FRMD5: variants seen among roughly 807,000 people sequenced by gnomAD.
FRMD5 encodes FERM domain-containing protein 5.
FRMD5 carries 20 observed loss-of-function variants against 69.0 expected under a neutral mutation model. That is an observed-to-expected ratio of 0.29 (90% CI 0.20 to 0.42). FRMD5 has a LOEUF of 0.42. Among genes scored for constraint, FRMD5 ranks in the 10% least tolerant of loss-of-function variants. The pLI is 1.00. For synonymous variants in FRMD5, 271 were observed against 260.1 expected, an observed-to-expected ratio of 1.04 and a Z score of -0.40; for missense variants, 595 against 708.6, an observed-to-expected ratio of 0.84 and a Z score of 1.82.
chr15:44,079,371 T>C (rs1204077052), intron 1 of FRMD5, among the ~76,000 whole-genome samples: 4 of 152,074 alleles, frequency 2.6e-5, no homozygotes, highest in African/African-American at 9.7e-5. Flanking sequence ...TAGTGGCTCC[T>C]CAAAAAAGTA....
intron 1 of FRMD5, among the ~76,000 whole-genome samples, chr15:43,963,383 C>T (rs1308589454): frequency 6.6e-6 from 1 of 152,154 alleles, no homozygotes; most frequent in African/African-American, 2.4e-5. Flanking sequence ...GTTAGAATGG[C>T]TATCATTAAA....
chr15:43,875,639 A>G (rs1400875307), intron 13 of FRMD5, among the ~76,000 whole-genome samples: 2 of 150,970 alleles, frequency 1.3e-5, no homozygotes, highest in African/African-American at 4.9e-5. Context: ...CACCACACCC[A>G]GCTAATTTTT....
chr15:44,148,301 TCGCTCTGTCCC>T (rs1470883849), intron 1 of FRMD5, among the ~76,000 whole-genome samples: 1 of 152,048 alleles, frequency 6.6e-6, no homozygotes, highest in African/African-American at 2.4e-5. Flanking sequence ...AGACGGAGTC[TCGCTCTGTCCC>T]CCAGGTTGGA....
chr15:44,151,003 A>C (rs912494212), intron 1 of FRMD5, among the ~76,000 whole-genome samples: 2 of 151,206 alleles, frequency 1.3e-5, no homozygotes, highest in Non-Finnish European at 2.9e-5. Flanking sequence ...GAGGCAGGAG[A>C]ATTGCTTCAA....
intron 5 of FRMD5, among the ~76,000 whole-genome samples, chr15:43,906,896 C>A (rs1174743166): frequency 3.3e-5 from 5 of 152,138 alleles, no homozygotes; most frequent in African/African-American, 1.2e-4. Context: ...CCACCGCACC[C>A]GGCCGAGAAG....
intron 1 of FRMD5, among the ~76,000 whole-genome samples, chr15:43,930,517 C>T (rs1384565937): frequency 6.6e-6 from 1 of 152,184 alleles, no homozygotes; most frequent in Non-Finnish European, 1.5e-5. Context: ...CCATGTGGCT[C>T]CTGGAGGAGT....
chr15:44,069,593 T>G (rs1023553828), intron 1 of FRMD5, among the ~76,000 whole-genome samples: 2 of 152,218 alleles, frequency 1.3e-5, no homozygotes, highest in African/African-American at 4.8e-5. Flanking sequence ...TCAATTTATA[T>G]GACATTCTTG....
chr15:43,978,909 T>G (rs376528822), intron 1 of FRMD5, among the ~76,000 whole-genome samples: 2 of 152,182 alleles, frequency 1.3e-5, no homozygotes, highest in African/African-American at 4.8e-5. Context: ...TAAATATAGA[T>G]TTTTGCATGT....
At chr15:44,158,417 C>T (rs1241277783) in intron 1 of FRMD5, among the ~76,000 whole-genome samples, 1 of 152,168 alleles carries the variant, frequency 6.6e-6, no homozygotes, top group Non-Finnish European at 1.5e-5. Flanking sequence ...AATAATAAGA[C>T]TTCCAGTTCC....
intron 1 of FRMD5, among the ~76,000 whole-genome samples, chr15:44,166,757 C>T (rs1212072914): frequency 1.5e-5 from 2 of 133,392 alleles, no homozygotes; most frequent in African/African-American, 6.0e-5. Flanking sequence ...GCACTCTAGC[C>T]TGGGTGACAA....
chr15:43,941,031 T>C (rs1217873767), intron 1 of FRMD5, among the ~76,000 whole-genome samples: 2 of 152,204 alleles, frequency 1.3e-5, no homozygotes, highest in Non-Finnish European at 2.9e-5. Context: ...GAATACATTA[T>C]CTTCTTGTAG....
At chr15:43,882,679 G>T (rs1210744164) in intron 13 of FRMD5, among the ~76,000 whole-genome samples, 1 of 151,924 alleles carries the variant, frequency 6.6e-6, no homozygotes, top group Non-Finnish European at 1.5e-5. Flanking sequence ...TTCTATAGCT[G>T]AAGCAAAACA....
chr15:44,173,058 C>T (rs954470004), intron 1 of FRMD5, among the ~76,000 whole-genome samples: 3 of 152,180 alleles, frequency 2.0e-5, no homozygotes, highest in African/African-American at 2.4e-5. Flanking sequence ...ATGACCCCAC[C>T]GTTCATGTCT....
chr15:44,001,177 T>G (rs1890194464), intron 1 of FRMD5, among the ~76,000 whole-genome samples: 1 of 152,242 alleles, frequency 6.6e-6, no homozygotes, highest in Non-Finnish European at 1.5e-5. Context: ...CACCTTTTCA[T>G]ATACTTGTTG....
At chr15:43,958,065 G>A (rs537820825) in intron 1 of FRMD5, among the ~76,000 whole-genome samples, 2 of 152,304 alleles carry the variant, frequency 1.3e-5, no homozygotes, top group African/African-American at 4.8e-5. Context: ...AAGAGAATCT[G>A]AATTTTGTCT....
chr15:44,131,766 C>CTAGCGTGTGGTGGGAGAATAACAT (rs2077101452), intron 1 of FRMD5, among the ~76,000 whole-genome samples: 1 of 144,086 alleles, frequency 6.9e-6, no homozygotes, highest in African/African-American at 2.5e-5. Context: ...GACAGTAGAA[C>CTAGCGTGTGGTGGGAGAATAACAT]GGTGGTTGCC....
intron 1 of FRMD5, among the ~76,000 whole-genome samples, chr15:44,068,388 T>C (rs1276425766): frequency 6.6e-6 from 1 of 152,228 alleles, no homozygotes; most frequent in African/African-American, 2.4e-5. Context: ...GATATCCATA[T>C]AATTGAATAT....
chr15:43,941,583 CCTT>C (rs2089864145), intron 1 of FRMD5, among the ~76,000 whole-genome samples: 1 of 152,166 alleles, frequency 6.6e-6, no homozygotes, highest in South Asian at 2.1e-4. Flanking sequence ...TTGTCTTACT[CCTT>C]CTGGTATGCC....
intron 1 of FRMD5, among the ~76,000 whole-genome samples, chr15:43,970,212 G>A (rs1022043614): frequency 6.6e-5 from 10 of 152,154 alleles, no homozygotes; most frequent in African/African-American, 2.4e-4. Flanking sequence ...AGACAACCCA[G>A]GCTGCTGGCC....
Sources: allele counts gnomAD v4.1 joint callset (sites outside exome capture counted in the v4.1 genomes callset), GRCh38; gene constraint gnomAD v4.1.1; transcripts MANE v1.5; gene names NCBI Gene and HGNC (gene_info 2026-07-23, HGNC 2026-07-21).